Variants in CDC42BPB observed in about 807,000 individuals in gnomAD.
CDC42BPB encodes CDC42 binding protein kinase beta.
In CDC42BPB, 37 loss-of-function variants were observed where a neutral mutation model predicts 214.9. The observed-to-expected ratio is 0.17, with a 90% CI of 0.13 to 0.23. The LOEUF (loss-of-function observed/expected upper bound fraction) is 0.23, where lower values mean the gene tolerates loss of function less well. Ranked by LOEUF, CDC42BPB falls within the 10% of genes least tolerant of loss-of-function variation. The pLI, the probability that CDC42BPB is intolerant of heterozygous loss-of-function variation, is 1.00. For missense variants in CDC42BPB, 1,694 were observed against 2,227.0 expected, an observed-to-expected ratio of 0.76 and a Z score of 4.82; for synonymous variants, 931 against 884.0, an observed-to-expected ratio of 1.05 and a Z score of -0.94.
chr14:102,944,303 G>A lies in CDC42BPB; in HGVS notation c.3996C>T (p.Ala1332=). 1 of 1,613,088 alleles carries A rather than the reference G, an allele frequency of 6.2e-7. No individual in the cohort carries two copies. The highest frequency in any genetic ancestry group is 8.5e-7 in the Non-Finnish European group (1 of 1,180,022). ...LPETKGCQLM[A]TATLKRNSGT... Reference sequence around the variant, plus strand: ...CAGAGTTCCTCTTGAGTGTGGCCGTGGCCATGAGCTGGCAGCCTTTGGTTT... The same window carrying A: ...CAGAGTTCCTCTTGAGTGTGGCCGTAGCCATGAGCTGGCAGCCTTTGGTTT... Residue 1332 remains alanine (A), a synonymous_variant, in exon 30 of 37, where the codon GCC becomes GCT. Transcript: ENST00000361246. This position sits in a 1 kb window ranked among gnomAD's most constrained non-coding sequence, Gnocchi z 6.6.
chr14:102,959,553 A>G, intron 21 of CDC42BPB, 78 bp downstream of exon 21: 2 of 960,044 alleles, frequency 2.1e-6, no homozygotes, highest in South Asian at 1.5e-5. Flanking sequence ...TGGCCCCATG[A>G]GTGGTAAAAT....
At chr14:102,982,987 TG>T (rs1894072191) in intron 7 of CDC42BPB, among the ~76,000 whole-genome samples, 2 of 151,482 alleles carry the variant, frequency 1.3e-5, no homozygotes, top group Admixed American at 6.6e-5. Context: ...AGAGGTGACA[TG>T]GAAGTGAGAA....
In CDC42BPB at chr14:103,034,345, T is replaced by C. The variant is rs190012804; in HGVS notation, c.176-22157A>G. On this transcript the variant is annotated intron_variant, in intron 1 of 36. Coordinates refer to ENST00000361246, the MANE Select transcript of CDC42BPB (RefSeq NM_006035.4). Reference sequence around the variant, plus strand: ...AACCTGGGCTCAACTAGTGAGACCTTATCTCATTTTAAAAATACACATTTA... The same window carrying C: ...AACCTGGGCTCAACTAGTGAGACCTCATCTCATTTTAAAAATACACATTTA... Among the ~76,000 whole-genome samples, 729 of 152,308 alleles carry C rather than the reference T, an allele frequency of 4.8e-3. 4 individuals are homozygous for C. Among genetic ancestry groups the C allele is most frequent in the Non-Finnish European group, 8.6e-3 (588 of 68,032 alleles).
intron 2 of CDC42BPB, among the ~76,000 whole-genome samples, chr14:103,010,472 G>A (rs528506873): frequency 4.4e-4 from 67 of 152,298 alleles, no homozygotes; most frequent in African/African-American, 1.6e-3. Context: ...ATGGTGCTGC[G>A]AGAGGGGGGC....
Position 102,954,278 on chromosome 14 carries a change from G to A in CDC42BPB, c.2989-3C>T, listed in dbSNP as rs1296911972. 1 of 1,524,600 alleles carries A rather than the reference G, an allele frequency of 6.6e-7. No homozygotes were observed. Among genetic ancestry groups the A allele is most frequent in the East Asian group, 2.5e-5 (1 of 40,794 alleles). The allele number at this position is 1,524,600 out of a possible 1,614,324, so 94.4% of individuals were successfully genotyped here. On this transcript the variant is annotated splice_polypyrimidine_tract_variant and splice_region_variant and intron_variant, in intron 22 of 36. Coordinates refer to ENST00000361246, the MANE Select transcript of CDC42BPB (RefSeq NM_006035.4). ...CTCTGCGGGGGCCGAGCCATGTCCT[G>A]GGAGACAAGCAGGACAGGTGAGTGT...
chr14:103,012,118 A>G lies in CDC42BPB; in HGVS notation c.246T>C (p.Ile82=). ...TTACCTCACCAAAAGCACCTCTTCCAATTACTTTAATTATTTCAAAGTCTT... is the reference window on the plus strand; with the variant it reads ...TTACCTCACCAAAAGCACCTCTTCCGATTACTTTAATTATTTCAAAGTCTT... ...HREDFEIIKV[I]GRGAFGEVAV... Residue 82 remains isoleucine (I), a synonymous_variant, in exon 2 of 37, where the codon ATT becomes ATC. Coordinates refer to ENST00000361246, the MANE Select transcript of CDC42BPB (RefSeq NM_006035.4). 4 of 1,613,020 alleles carry G rather than the reference A, an allele frequency of 2.5e-6. No homozygotes were observed. Among genetic ancestry groups the G allele is most frequent in the Non-Finnish European group, 2.5e-6 (3 of 1,179,054 alleles).
rs376323654 is a variant in CDC42BPB, at chr14:103,051,938, T to C, written c.175+5061A>G. On this transcript the variant is annotated intron_variant, in intron 1 of 36. Coordinates refer to ENST00000361246, the MANE Select transcript of CDC42BPB (RefSeq NM_006035.4). ...TCAGCTCACCGCAACCTCTGCCTCC[T>C]GGGTTCATGAGATCCTCCTGCCTCA... 9.2e-5 allele frequency among the ~76,000 whole-genome samples: 14 copies of C among 152,216 alleles called. No individual in the cohort carries two copies. The East Asian group carries it at 2.7e-3, about 29-fold the overall frequency.
intron 9 of CDC42BPB, chr14:102,976,288 G>T: frequency 2.5e-6 from 2 of 795,568 alleles, no homozygotes; most frequent in Non-Finnish European, 3.0e-6. Flanking sequence ...GAGGGGAAAT[G>T]GCATTTCTAA....
chr14:103,007,099 G>C (rs1056939121), intron 3 of CDC42BPB, among the ~76,000 whole-genome samples: 1 of 152,214 alleles, frequency 6.6e-6, no homozygotes, highest in Non-Finnish European at 1.5e-5. Flanking sequence ...TTCTCCCAAA[G>C]AAGGAAGGGA....
At chr14:102,984,341 G>A in intron 6 of CDC42BPB, among the ~76,000 whole-genome samples, 1 of 152,098 alleles carries the variant, frequency 6.6e-6, no homozygotes, top group East Asian at 1.9e-4. Flanking sequence ...AGACTCCAGT[G>A]GGGCACAAGA....
chr14:103,001,652 T>C lies in CDC42BPB; in HGVS notation c.448-1939A>G, dbSNP rs1894989256. ...AGGTGCCACTGCGTGTGGAGGGCGA[T>C]GCAGAGGGGGCGGTGGATGCACACT... On this transcript the variant is annotated intron_variant, in intron 4 of 36. Transcript: ENST00000361246. The surrounding 1 kb of genome is among the most constrained non-coding windows in gnomAD (Gnocchi z 5.8). 6.6e-6 allele frequency among the ~76,000 whole-genome samples: 1 copy of C among 152,072 alleles called. No individual in the cohort carries two copies. Among genetic ancestry groups the C allele is most frequent in the African/African-American group, 2.4e-5 (1 of 41,406 alleles).
chr14:102,972,184 G>GT (rs771345572), intron 12 of CDC42BPB, 23 bp from the exon 13 acceptor site: 1 of 1,606,882 alleles, frequency 6.2e-7, no homozygotes, highest in Admixed American at 1.7e-5. Flanking sequence ...AATTATAGAT[G>GT]TTTTACGTTT....
At chr14:102,997,843 T>C (rs1011179884) in intron 5 of CDC42BPB, among the ~76,000 whole-genome samples, 2 of 152,194 alleles carry the variant, frequency 1.3e-5, no homozygotes, top group African/African-American at 2.4e-5. Flanking sequence ...ATTTTAACCA[T>C]TCTAATCAGG....
chr14:102,970,396 T>C, intron 13 of CDC42BPB, 135 bp from the exon 14 acceptor site: 2 of 1,385,830 alleles, frequency 1.4e-6, no homozygotes, highest in South Asian at 3.6e-5. Flanking sequence ...TCAAATCTTA[T>C]CACAAATTAA....
intron 5 of CDC42BPB, among the ~76,000 whole-genome samples, chr14:102,994,326 T>C (rs181073233): frequency 6.6e-6 from 1 of 152,206 alleles, no homozygotes; most frequent in African/African-American, 2.4e-5. Flanking sequence ...CTGGGGGTCA[T>C]CTGCGCCGTA....
rs142942791 is a variant in CDC42BPB at position 102,974,404 on chromosome 14, C to T, written c.1508-255G>A. 2.4e-4 allele frequency: 234 copies of T among 977,790 alleles called. 1 individual carries two copies. In the African/African-American group the frequency reaches 3.8e-3, roughly 16 times the overall value. The allele number at this position is 977,790 out of a possible 1,614,324, so 60.6% of individuals were successfully genotyped here. A position where few individuals can be genotyped will look rare whatever the true frequency, so the allele number is the denominator to read the frequency against. On this transcript the variant is annotated intron_variant, in intron 11 of 36. Transcript: ENST00000361246. ...TGATCTGACAGCGATCTCCCCTGAG[C>T]ACTGGGAGCCCTTGGGTGGCGCACA...
In CDC42BPB at chr14:103,057,183, C is replaced by T. The variant is rs372517495; in HGVS notation, c.-10G>A. ...GCACCTTGGCCGACATGGTGCCGCG[C>T]GGCCCGCTCCCGACGCGCCGGCCTC... is the stretch of plus-strand genomic sequence containing the variant. On this transcript the variant is annotated 5_prime_UTR_variant, in exon 1 of 37. Coordinates refer to ENST00000361246, the MANE Select transcript of CDC42BPB (RefSeq NM_006035.4). 470 of 1,394,258 alleles carry T rather than the reference C, an allele frequency of 3.4e-4. No homozygotes were observed. Among genetic ancestry groups the T allele is most frequent in the Non-Finnish European group, 4.2e-4 (451 of 1,068,440 alleles). 86.4% of individuals were successfully genotyped at this position (1,394,258 alleles called of 1,614,324 possible). A position where few individuals can be genotyped will look rare whatever the true frequency, so the allele number is the denominator to read the frequency against.
In CDC42BPB at chr14:102,966,561, C is replaced by T. The variant is rs1893211946; in HGVS notation, c.2472-174G>A. On this transcript the variant is annotated intron_variant, in intron 17 of 36. Transcript: ENST00000361246. The stretch of plus-strand genomic sequence containing the variant: ...GATCTCATTGATGGATGCGTCGTTA[C>T]ATTGCACATGACTGCAGTTTAAAAA... 6 of 976,068 alleles carry T rather than the reference C, an allele frequency of 6.1e-6. No homozygotes were observed. In the South Asian group the frequency reaches 2.4e-4, roughly 39 times the overall value. 60.5% of individuals were successfully genotyped at this position (976,068 alleles called of 1,614,324 possible).
chr14:103,051,886 C>T (rs537661772), intron 1 of CDC42BPB, among the ~76,000 whole-genome samples: 1 of 152,010 alleles, frequency 6.6e-6, no homozygotes, highest in South Asian at 2.1e-4. Context: ...TGCTCTGTTG[C>T]CCAGGCTGGT....
Sources: allele counts gnomAD v4.1 joint callset (sites outside exome capture counted in the v4.1 genomes callset), GRCh38; gene constraint gnomAD v4.1.1; non-coding constraint Gnocchi (gnomAD v3.1); transcripts MANE v1.5; gene names NCBI Gene and HGNC (gene_info 2026-07-23, HGNC 2026-07-21).